The following PRRC2C variants were observed in gnomAD, a reference collection of about 807,000 sequenced individuals.
PRRC2C encodes protein PRRC2C.
A neutral mutation model predicts 317.2 loss-of-function variants in PRRC2C; 72 were observed. That is an observed-to-expected ratio of 0.23 (90% CI 0.19 to 0.28). The LOEUF (loss-of-function observed/expected upper bound fraction) is 0.28, where lower values mean the gene tolerates loss of function less well. Among genes scored for constraint, PRRC2C ranks in the 10% least tolerant of loss-of-function variants. PRRC2C has a pLI of 1.00. For synonymous variants in PRRC2C, 1,296 were observed against 1,205.9 expected (o/e 1.07, Z -1.55); for missense variants, 3,074 against 3,459.7 (o/e 0.89, Z 2.80).
rs201038467 is a variant in PRRC2C at position 171,541,554 on chromosome 1, G to A, written c.4088G>A (p.Arg1363His). Residue 1363 changes from arginine (R) to histidine (H), a missense_variant, in exon 16 of 35, where the codon CGC becomes CAC. This residue lies in a region of PRRC2C where 1,320 missense variants were observed against 1,395.7 expected (regional missense o/e 0.95). Transcript: ENST00000647382. The surrounding 1 kb of genome is among the most constrained non-coding windows in gnomAD (Gnocchi z 4.1). ...GGRDPGGRPS[R>H]PSTLRRPAYR... is the part of the protein sequence containing the mutation. ...AGGGATCCTGGAGGCCGTCCATCACGCCCTTCCACTTTACGAAGACCAGCT... is the reference window on the plus strand; with the variant it reads ...AGGGATCCTGGAGGCCGTCCATCACACCCTTCCACTTTACGAAGACCAGCT... 5.0e-6 allele frequency: 8 copies of A among 1,609,684 alleles called. No individual in the cohort carries two copies. The highest frequency in any genetic ancestry group is 2.2e-5 in the East Asian group (1 of 44,716).
chr1:171,541,444 G>A lies in PRRC2C; in HGVS notation c.3978G>A (p.Arg1326=), dbSNP rs1209428849. The A allele has an allele frequency of 6.2e-7, 1 of 1,613,850 alleles. No individual in the cohort carries two copies. The highest frequency in any genetic ancestry group is 2.2e-5 in the East Asian group (1 of 44,872). ...GACTGCTAGAAAAGCCTTATGTAAG[G>A]GATGACGATAAAGCTAAACCAGGCT... ...DNRLLEKPYV[R]DDDKAKPGFL... The change falls in exon 16 of 35, where the codon AGG becomes AGA. Residue 1326 remains arginine, a synonymous_variant. Transcript: ENST00000647382. This position sits in a 1 kb window ranked among gnomAD's most constrained non-coding sequence, Gnocchi z 4.1.
chr1:171,514,548 G>A lies in PRRC2C; in HGVS notation c.303G>A (p.Val101=), dbSNP rs1458036239. ...EQHEEEKTPE[V]PPAQPKPGVA... ...ATTTTTTTTTAAGAACACCAGAAGTGCCACCAGCACAGCCAAAACCTGGGG... is the reference window on the plus strand; with the variant it reads ...ATTTTTTTTTAAGAACACCAGAAGTACCACCAGCACAGCCAAAACCTGGGG... The change falls in exon 4 of 35, where the codon GTG becomes GTA. Residue 101 remains valine (V), a synonymous_variant. Transcript: ENST00000647382. The A allele has an allele frequency of 6.4e-7, 1 of 1,555,736 alleles. No individual in the cohort carries two copies. The highest frequency in any genetic ancestry group is 1.2e-5 in the South Asian group (1 of 84,206).
chr1:171,521,603 C>CTTT (rs1490504049), intron 6 of PRRC2C, among the ~76,000 whole-genome samples: 1 of 151,774 alleles, frequency 6.6e-6, no homozygotes, highest in African/African-American at 2.4e-5. Flanking sequence ...GAGCTGAGTT[C>CTTT]TTCCCCACGC....
intron 30 of PRRC2C, among the ~76,000 whole-genome samples, chr1:171,585,521 CT>C (rs1649684142): frequency 6.6e-6 from 1 of 152,080 alleles, no homozygotes; most frequent in Non-Finnish European, 1.5e-5. Context: ...TCATGAATAT[CT>C]TATTGACATT....
intron 19 of PRRC2C, among the ~76,000 whole-genome samples, chr1:171,559,840 C>T (rs1402612582): frequency 1.3e-5 from 2 of 152,064 alleles, no homozygotes; most frequent in Non-Finnish European, 2.9e-5. Flanking sequence ...TATTTTTAAG[C>T]CCACTGTTGA....
intron 20 of PRRC2C, among the ~76,000 whole-genome samples, chr1:171,564,890 TC>T (rs1464134312): frequency 6.6e-6 from 1 of 152,156 alleles, no homozygotes; most frequent in African/African-American, 2.4e-5. Flanking sequence ...TAAAAGTAAA[TC>T]TGAATTGCAT....
chr1:171,583,413 A>G (rs566086584), intron 28 of PRRC2C, among the ~76,000 whole-genome samples: 10 of 151,818 alleles, frequency 6.6e-5, no homozygotes, highest in Non-Finnish European at 1.3e-4. Context: ...ACTTTCATCT[A>G]CCTCCACATC....
rs866721147 is a variant in PRRC2C at position 171,532,667 on chromosome 1, C to A, written c.1579C>A (p.Gln527Lys). The change falls in exon 12 of 35, where the codon CAG becomes AAG. Residue 527 changes from glutamine to lysine, a missense_variant. Coordinates refer to ENST00000647382, the MANE Select transcript of PRRC2C (RefSeq NM_001387844.1). ...REKELEKEQE[Q>K]EREKEREKDR... Reference sequence around the variant, plus strand: ...GAAAGAACTTGAAAAAGAACAAGAACAGGAGCGAGAGAAGGAGAGGGAAAA... The same window carrying A: ...GAAAGAACTTGAAAAAGAACAAGAAAAGGAGCGAGAGAAGGAGAGGGAAAA... 6.4e-7 allele frequency: 1 copy of A among 1,551,118 alleles called. No individual in the cohort carries two copies. Among genetic ancestry groups the A allele is most frequent in the South Asian group, 1.2e-5 (1 of 83,972 alleles).
intron 18 of PRRC2C, among the ~76,000 whole-genome samples, chr1:171,553,953 G>A (rs999665008): frequency 6.6e-6 from 1 of 152,136 alleles, no homozygotes; most frequent in African/African-American, 2.4e-5. Context: ...GTTGATTTGG[G>A]GTGGAGAGTT....
chr1:171,509,036 G>A (rs990536646), intron 1 of PRRC2C, among the ~76,000 whole-genome samples: 20 of 152,088 alleles, frequency 1.3e-4, no homozygotes, highest in East Asian at 7.8e-4. Flanking sequence ...ACAGGCACCT[G>A]CCACCATGCC....
chr1:171,582,580 G>A (rs557660753), intron 28 of PRRC2C, among the ~76,000 whole-genome samples: 5 of 152,244 alleles, frequency 3.3e-5, no homozygotes, highest in Non-Finnish European at 5.9e-5. Context: ...CTATAAACCC[G>A]TGCAGCATTT....
In PRRC2C at chr1:171,557,613, C is replaced by T. The variant is rs1415197950; in HGVS notation, c.5501C>T (p.Ser1834Leu). 1 of 1,551,704 alleles carries T rather than the reference C, an allele frequency of 6.4e-7. No individual in the cohort carries two copies. Among genetic ancestry groups the T allele is most frequent in the South Asian group, 1.2e-5 (1 of 84,060 alleles). Reference sequence around the variant, plus strand: ...TCAGCTGCAGCTATAACCTCTTCTTCAGCTCCAGCCTCAGCCCCAGCTCCA... The same window carrying T: ...TCAGCTGCAGCTATAACCTCTTCTTTAGCTCCAGCCTCAGCCCCAGCTCCA... ...STSAAAITSS[S>L]APASAPAPTP... The change falls in exon 19 of 35, where the codon TCA becomes TTA. Residue 1834 changes from serine to leucine, a missense_variant. This residue lies in a region of PRRC2C where 640 missense variants were observed against 676.1 expected (regional missense o/e 0.95). Transcript: ENST00000647382.
At chr1:171,498,990 A>C (rs1359340269) in intron 1 of PRRC2C, among the ~76,000 whole-genome samples, 1 of 152,146 alleles carries the variant, frequency 6.6e-6, no homozygotes, top group Non-Finnish European at 1.5e-5. Flanking sequence ...CATTTTGTTT[A>C]GAGACCAAGA....
chr1:171,506,687 T>TTGTGTATG (rs1553206679), intron 1 of PRRC2C, among the ~76,000 whole-genome samples: 16 of 136,658 alleles, frequency 1.2e-4, no homozygotes, highest in African/African-American at 3.3e-4. Flanking sequence ...TTTTTTTTCT[T>TTGTGTATG]TGTGTGTGTG....
At chr1:171,490,715 G>A (rs2102024681) in intron 1 of PRRC2C, among the ~76,000 whole-genome samples, 1 of 152,308 alleles carries the variant, frequency 6.6e-6, no homozygotes, top group South Asian at 2.1e-4. Context: ...GTGACAAGTA[G>A]TCTTTGGATT....
Position 171,566,311 on chromosome 1 carries a change from A to G in PRRC2C, c.6196A>G (p.Asn2066Asp), listed in dbSNP as rs1461530277. Residue 2066 changes from asparagine to aspartate, a missense_variant, in exon 21 of 35, where the codon AAT becomes GAT. Transcript: ENST00000647382. Reference sequence around the variant, plus strand: ...GTTTGGTGCTCCAGCCTCAAATGGAAATGAAAATGAAGTTGTTCCTGTGCT... The same window carrying G: ...GTTTGGTGCTCCAGCCTCAAATGGAGATGAAAATGAAGTTGTTCCTGTGCT... ...IQFGAPASNG[N>D]ENEVVPVLSE... 2 of 1,608,286 alleles carry G rather than the reference A, an allele frequency of 1.2e-6. No individual in the cohort carries two copies. The highest frequency in any genetic ancestry group is 3.4e-5 in the Admixed American group (2 of 59,282).
chr1:171,558,051 T>C lies in PRRC2C; in HGVS notation c.5939T>C (p.Ile1980Thr). The C allele has an allele frequency of 6.2e-7, 1 of 1,613,808 alleles. No individual in the cohort carries two copies. Among genetic ancestry groups the C allele is most frequent in the Non-Finnish European group, 8.5e-7 (1 of 1,179,880 alleles). Residue 1980 changes from isoleucine (I) to threonine (T), a missense_variant, in exon 19 of 35, where the codon ATC becomes ACC. Coordinates refer to ENST00000647382, the MANE Select transcript of PRRC2C (RefSeq NM_001387844.1). ...GTDYVASGKS[I>T]QTPQSHGTLT... Reference sequence around the variant, plus strand: ...GATTATGTAGCCTCAGGAAAATCCATCCAGACCCCACAGTCACATGGCACT... The same window carrying C: ...GATTATGTAGCCTCAGGAAAATCCACCCAGACCCCACAGTCACATGGCACT...
chr1:171,587,513 A>C (rs1466953774), intron 31 of PRRC2C, 135 bp from the exon 32 acceptor site: 1 of 648,552 alleles, frequency 1.5e-6, no homozygotes, highest in Non-Finnish European at 2.6e-6. Flanking sequence ...TAATACTTGA[A>C]GCCTAACTAT....
At chr1:171,516,008 T>C (rs1241845763) in intron 5 of PRRC2C, 149 bp downstream of exon 5, 3 of 810,012 alleles carry the variant, frequency 3.7e-6, no homozygotes, top group Non-Finnish European at 5.3e-6. Flanking sequence ...GGTATGATTT[T>C]TGCACCGACA....
Sources: allele counts gnomAD v4.1 joint callset (sites outside exome capture counted in the v4.1 genomes callset), GRCh38; gene constraint gnomAD v4.1.1; regional missense constraint gnomAD v4.1.1; non-coding constraint Gnocchi (gnomAD v3.1); transcripts MANE v1.5; gene names NCBI Gene and HGNC (gene_info 2026-07-23, HGNC 2026-07-21).